The following ALDH7A1 variants were observed in gnomAD, a reference collection of about 807,000 sequenced individuals.
ALDH7A1 encodes the protein aldehyde dehydrogenase 7 family member A1, also known as alpha-aminoadipic semialdehyde dehydrogenase.
Under a neutral mutation model 79.9 loss-of-function variants are expected in ALDH7A1, and 63 were observed. The observed-to-expected ratio is 0.79, with a 90% CI of 0.64 to 0.97. The LOEUF (loss-of-function observed/expected upper bound fraction) is 0.97. ALDH7A1 is among the 50% of genes least tolerant of loss of function. The pLI, the probability that ALDH7A1 is intolerant of heterozygous loss-of-function variation, is 0.00. For missense variants in ALDH7A1, 627 were observed against 665.2 expected (o/e 0.94, Z 0.63); for synonymous variants, 240 against 231.2 (o/e 1.04, Z -0.34).
chr5:126,557,830 A>AT (rs1393884955), intron 11 of ALDH7A1, among the ~76,000 whole-genome samples: 2 of 151,650 alleles, frequency 1.3e-5, no homozygotes, highest in African/African-American at 2.4e-5. Flanking sequence ...CTTAAAAATA[A>AT]TTTTTTTTAA....
At position 126,584,024 on chromosome 5, in the gene ALDH7A1, A is replaced by AT; in HGVS notation, c.313-13dup. ...TTTGGAGCAGGAATCTAAGAAAAGAATGCAATTTTTGTGTCTGATTCAAAG... is the reference window on the plus strand; with the variant it reads ...TTTGGAGCAGGAATCTAAGAAAAGAATTGCAATTTTTGTGTCTGATTCAAAG... On this transcript the variant is annotated splice_polypyrimidine_tract_variant and intron_variant, in intron 3 of 17. Transcript: ENST00000409134. 1 of 1,612,078 alleles carries AT rather than the reference A, an allele frequency of 6.2e-7. No individual in the cohort carries two copies. Among genetic ancestry groups the AT allele is most frequent in the Admixed American group, 1.7e-5 (1 of 60,008 alleles).
intron 5 of ALDH7A1, among the ~76,000 whole-genome samples, chr5:126,580,848 G>A (rs1370444674): frequency 6.7e-6 from 1 of 150,330 alleles, no homozygotes; most frequent in Non-Finnish European, 1.5e-5. Context: ...TTTTGAGATG[G>A]AGTTTCGCTC....
At chr5:126,559,428 GTTTTGGTTTTT>G in intron 10 of ALDH7A1, 94 bp from the exon 11 acceptor site, 13 of 718,616 alleles carry the variant, frequency 1.8e-5, no homozygotes, top group Non-Finnish European at 2.3e-5. Context: ...TTTGTTTTTG[GTTTTGGTTTTT>G]TTTTTTTTTT....
intron 3 of ALDH7A1, among the ~76,000 whole-genome samples, chr5:126,585,062 C>G (rs1240147145): frequency 6.6e-6 from 1 of 152,194 alleles, no homozygotes; most frequent in Non-Finnish European, 1.5e-5. Context: ...ACTTGAGAAG[C>G]TGAGGCAGGT....
Position 126,595,210 on chromosome 5 carries a change from G to A in ALDH7A1, c.-12C>T. ...GGAAGGCGCCACATACTGAGCCCGG[G>A]ACTCGGGATGAGCCCAAGGCCCTGA... is the stretch of plus-strand genomic sequence containing the variant. On this transcript the variant is annotated 5_prime_UTR_variant, in exon 1 of 18. Coordinates refer to ENST00000409134, the MANE Select transcript of ALDH7A1 (RefSeq NM_001182.5). 6.4e-7 allele frequency: 1 copy of A among 1,551,706 alleles called. No individual in the cohort carries two copies. Among genetic ancestry groups the A allele is most frequent in the Non-Finnish European group, 8.7e-7 (1 of 1,147,004 alleles).
At chr5:126,564,453 C>T in intron 9 of ALDH7A1, 1 of 1,045,430 alleles carries the variant, frequency 9.6e-7, no homozygotes, top group East Asian at 3.3e-5. Context: ...CAGCCTTAGA[C>T]ATACATTTAT....
chr5:126,590,979 A>G (rs948302688), intron 3 of ALDH7A1, among the ~76,000 whole-genome samples: 2 of 152,158 alleles, frequency 1.3e-5, no homozygotes, highest in African/African-American at 4.8e-5. Context: ...ATATGGATGT[A>G]CAATAATCAC....
rs540448178 is a variant in ALDH7A1 at position 126,585,723 on chromosome 5, G to A, written c.313-1711C>T. 5.3e-5 allele frequency among the ~76,000 whole-genome samples: 8 copies of A among 151,986 alleles called. No homozygotes were observed. The South Asian group carries it at 8.3e-4, about 16-fold the overall frequency. On this transcript the variant is annotated intron_variant, in intron 3 of 17. Coordinates refer to ENST00000409134, the MANE Select transcript of ALDH7A1 (RefSeq NM_001182.5). ...ATTACAGGCGCCTGCCACCACGCCCGGCTAATTTTCTGTATTTTTAGCAGA... is the reference window on the plus strand; with the variant it reads ...ATTACAGGCGCCTGCCACCACGCCCAGCTAATTTTCTGTATTTTTAGCAGA...
chr5:126,584,659 CAAAAAAAAAA>C (rs35736560), intron 3 of ALDH7A1, among the ~76,000 whole-genome samples: 1 of 62,248 alleles, frequency 1.6e-5, no homozygotes, highest in Admixed American at 1.6e-4. Flanking sequence ...CACTCCATCT[CAAAAAAAAAA>C]AAAAAAAAAA....
intron 10 of ALDH7A1, among the ~76,000 whole-genome samples, chr5:126,559,935 G>A (rs1406068600): frequency 2.0e-5 from 3 of 151,488 alleles, no homozygotes; most frequent in Non-Finnish European, 4.4e-5. Context: ...TTATTTCTCG[G>A]GGGGTTTTTT....
chr5:126,557,585 C>CA (rs955163501), intron 11 of ALDH7A1, among the ~76,000 whole-genome samples: 162 of 101,178 alleles, frequency 1.6e-3, no homozygotes, highest in Middle Eastern at 6.3e-3. Flanking sequence ...GACTCCATCT[C>CA]AAAAAAAAAA....
chr5:126,559,298 G>T lies in ALDH7A1; in HGVS notation c.950C>A (p.Ser317Ter), dbSNP rs148052962. ...TGTTCCCACAGCAGCGAAGAGAGCT[G>T]ATGGAACAACTAAGCTGAGGTCTGC... ...EDADLSLVVP[S>*]ALFAAVGTAG... Residue 317 changes from serine to a stop codon, truncating the protein, a stop_gained, in exon 11 of 18, where the codon TCA becomes TAA. Coordinates refer to ENST00000409134, the MANE Select transcript of ALDH7A1 (RefSeq NM_001182.5). LOFTEE classifies it high-confidence loss of function. 1 of 1,614,034 alleles carries T rather than the reference G, an allele frequency of 6.2e-7. No homozygotes were observed. Among genetic ancestry groups the T allele is most frequent in the East Asian group, 2.2e-5 (1 of 44,876 alleles).
chr5:126,563,167 G>A (rs1024643492), intron 9 of ALDH7A1, among the ~76,000 whole-genome samples: 5 of 152,132 alleles, frequency 3.3e-5, no homozygotes, highest in Non-Finnish European at 7.4e-5. Flanking sequence ...AAGAAAGAAA[G>A]AAACCTATGG....
intron 11 of ALDH7A1, among the ~76,000 whole-genome samples, chr5:126,558,583 C>G (rs1750287537): frequency 6.6e-6 from 1 of 152,152 alleles, no homozygotes; most frequent in South Asian, 2.1e-4. Context: ...GTGGTGCAAT[C>G]ATGGCTCATT....
chr5:126,593,384 A>G lies in ALDH7A1; in HGVS notation c.213T>C (p.Pro71=), dbSNP rs1406194717. Residue 71 remains proline (P), a synonymous_variant, in exon 2 of 18, where the codon CCT becomes CCC. Transcript: ENST00000409134. ...CTCTTGCTATTGGCTCGTTGTTAGC[A>G]GGGCAATAGGTCGTAATAACCTTAA... is the stretch of plus-strand genomic sequence containing the variant. ...GRGEVITTYC[P]ANNEPIARVR... is the part of the protein sequence containing the mutation. 1 of 1,613,392 alleles carries G rather than the reference A, an allele frequency of 6.2e-7. No homozygotes were observed. Among genetic ancestry groups the G allele is most frequent in the Admixed American group, 1.7e-5 (1 of 59,948 alleles).
chr5:126,585,407 G>A (rs1751326701), intron 3 of ALDH7A1, among the ~76,000 whole-genome samples: 1 of 152,130 alleles, frequency 6.6e-6, no homozygotes, highest in Non-Finnish European at 1.5e-5. Context: ...CCTAATCACA[G>A]CACTGCTCAC....
At chr5:126,546,065 T>C (rs1440064513) in intron 17 of ALDH7A1, among the ~76,000 whole-genome samples, 1 of 152,112 alleles carries the variant, frequency 6.6e-6, no homozygotes, top group Non-Finnish European at 1.5e-5. Context: ...CTGACCAACA[T>C]GGAGAAACCC....
At chr5:126,552,276 T>A in intron 13 of ALDH7A1, 139 bp from the exon 14 acceptor site, 5 of 669,960 alleles carry the variant, frequency 7.5e-6, no homozygotes, top group Middle Eastern at 2.5e-4. Context: ...CCAAAATAAC[T>A]TCCAATCATG....
At chr5:126,548,744 T>G (rs1368480654) in intron 16 of ALDH7A1, among the ~76,000 whole-genome samples, 1 of 151,724 alleles carries the variant, frequency 6.6e-6, no homozygotes, top group East Asian at 1.9e-4. Context: ...CTTTAAAAAT[T>G]AATTATAAAA....
Sources: allele counts gnomAD v4.1 joint callset (sites outside exome capture counted in the v4.1 genomes callset), GRCh38; gene constraint gnomAD v4.1.1; transcripts MANE v1.5; gene names NCBI Gene and HGNC (gene_info 2026-07-23, HGNC 2026-07-21).